LIMCH1: variants seen among roughly 807,000 people sequenced by gnomAD.
The protein encoded by LIMCH1 is LIM and calponin homology domains-containing protein 1.
A neutral mutation model predicts 176.5 loss-of-function variants in LIMCH1; 113 were observed. The observed-to-expected ratio is 0.64, with a 90% CI of 0.55 to 0.75. LIMCH1 has a LOEUF of 0.75. Ranked by LOEUF, LIMCH1 falls within the 30% of genes least tolerant of loss-of-function variation. The pLI is 0.00. For missense variants in LIMCH1, 1,674 were observed against 1,814.9 expected, an observed-to-expected ratio of 0.92 and a Z score of 1.41; for synonymous variants, 619 against 645.9, an observed-to-expected ratio of 0.96 and a Z score of 0.63.
At chr4:41,441,493 A>G (rs1347436476) in intron 1 of LIMCH1, among the ~76,000 whole-genome samples, 1 of 151,934 alleles carries the variant, frequency 6.6e-6, no homozygotes, top group Admixed American at 6.6e-5. Context: ...TGGTTTTAAT[A>G]TGAGGAAAAA....
upstream of LIMCH1, among the ~76,000 whole-genome samples, chr4:41,534,425 T>G (rs2077656036): frequency 6.6e-6 from 1 of 152,178 alleles, no homozygotes; most frequent in Admixed American, 6.5e-5. Flanking sequence ...GAAGATGACA[T>G]TTGCATTTTG....
intron 1 of LIMCH1, among the ~76,000 whole-genome samples, chr4:41,567,806 G>A (rs551928689): frequency 6.6e-6 from 1 of 152,172 alleles, no homozygotes; most frequent in Non-Finnish European, 1.5e-5. Flanking sequence ...TTGTGCTTAA[G>A]TGGCATCAGA....
At chr4:41,550,944 A>T (rs2152513539) in intron 1 of LIMCH1, among the ~76,000 whole-genome samples, 1 of 152,320 alleles carries the variant, frequency 6.6e-6, no homozygotes, top group African/African-American at 2.4e-5. Context: ...CAAAAAGGAA[A>T]ATATGATTAA....
At chr4:41,639,638 T>A (rs548508655) in intron 14 of LIMCH1, among the ~76,000 whole-genome samples, 1 of 152,316 alleles carries the variant, frequency 6.6e-6, no homozygotes, top group East Asian at 1.9e-4. Flanking sequence ...ACCCTCCCAT[T>A]TGTGACCACA....
chr4:41,477,962 G>A lies in LIMCH1; in HGVS notation c.97-16574G>A, dbSNP rs1469605017. ...TTGAGGAATATTAGTAGATGAAGAT[G>A]TATTTCTGTAATATTTGAACTAAAC... is the stretch of plus-strand genomic sequence containing the variant. On this transcript the variant is annotated intron_variant, in intron 1 of 26. Transcript: ENST00000313860. 2.0e-5 allele frequency among the ~76,000 whole-genome samples: 3 copies of A among 152,272 alleles called. No individual in the cohort carries two copies. In the East Asian group the frequency reaches 5.8e-4, roughly 29 times the overall value.
At chr4:41,622,239 TACCAGAG>T (rs1436735201) in intron 7 of LIMCH1, among the ~76,000 whole-genome samples, 1 of 152,202 alleles carries the variant, frequency 6.6e-6, no homozygotes, top group African/African-American at 2.4e-5. Context: ...ATACACCATG[TACCAGAG>T]ACTGGACTAG....
chr4:41,479,550 C>T (rs1317195507), intron 1 of LIMCH1, among the ~76,000 whole-genome samples: 2 of 152,212 alleles, frequency 1.3e-5, no homozygotes, highest in Admixed American at 6.5e-5. Flanking sequence ...CCGCGCCCAG[C>T]ATCACTCTTA....
At chr4:41,478,332 C>T (rs191686576) in intron 1 of LIMCH1, among the ~76,000 whole-genome samples, 35 of 152,272 alleles carry the variant, frequency 2.3e-4, no homozygotes, top group African/African-American at 7.7e-4. Flanking sequence ...TCTCATTTTC[C>T]GTTGATCACT....
chr4:41,517,668 C>T (rs1279658375), intron 2 of LIMCH1, among the ~76,000 whole-genome samples: 1 of 152,028 alleles, frequency 6.6e-6, no homozygotes, highest in Non-Finnish European at 1.5e-5. Flanking sequence ...ATATTTTAGT[C>T]GATTTTTCTT....
rs1031958379 is a variant in LIMCH1 at position 41,699,879 on chromosome 4, A to C, written c.*2694A>C. 6.6e-6 allele frequency: 1 copy of C among 152,232 alleles called. No homozygotes were observed. Among genetic ancestry groups the C allele is most frequent in the African/African-American group, 2.4e-5 (1 of 41,462 alleles). The allele number at this position is 152,232 out of a possible 1,614,324, so 9.4% of individuals were successfully genotyped here. On this transcript the variant is annotated 3_prime_UTR_variant, in exon 32 of 32. Coordinates refer to ENST00000503057, the MANE Select transcript of LIMCH1 (RefSeq NM_001330672.2). The stretch of plus-strand genomic sequence containing the variant: ...TATGTGAGTCCGTCCAAAAGATGTT[A>C]CTGCTCTGGGTGGGCCAGTGTTCTA...
rs558267955 is a variant in LIMCH1 at position 41,678,081 on chromosome 4, C to T, written c.3519+1619C>T. Among the ~76,000 whole-genome samples, 680 of 152,174 alleles carry T rather than the reference C, an allele frequency of 4.5e-3. 6 individuals are homozygous for T. The highest frequency in any genetic ancestry group is 0.014 in the African/African-American group (601 of 41,502). ...GGTATTTCTCCTAATGCTATCCCTC[C>T]GCTAGCCCCCCAACCCCTGACAGGC... On this transcript the variant is annotated intron_variant, in intron 23 of 31. Coordinates refer to ENST00000503057, the MANE Select transcript of LIMCH1 (RefSeq NM_001330672.2).
At chr4:41,472,321 C>G (rs1360970208) in intron 1 of LIMCH1, among the ~76,000 whole-genome samples, 1 of 147,992 alleles carries the variant, frequency 6.8e-6, no homozygotes, top group African/African-American at 2.5e-5. Flanking sequence ...CAGTTCCTTC[C>G]CTCCCTCCCT....
At chr4:41,521,003 T>G (rs551120572) in intron 2 of LIMCH1, among the ~76,000 whole-genome samples, 18 of 152,324 alleles carry the variant, frequency 1.2e-4, no homozygotes, top group African/African-American at 4.3e-4. Flanking sequence ...TGGATGAGGT[T>G]GCAGATCATC....
At chr4:41,594,062 T>C (rs982466017) in intron 1 of LIMCH1, among the ~76,000 whole-genome samples, 3 of 152,208 alleles carry the variant, frequency 2.0e-5, no homozygotes, top group Admixed American at 2.0e-4. Context: ...TGCTTAAAAA[T>C]AAAGGCAGTC....
intron 13 of LIMCH1, among the ~76,000 whole-genome samples, chr4:41,635,414 G>C (rs1347417173): frequency 6.6e-6 from 1 of 152,112 alleles, no homozygotes; most frequent in Non-Finnish European, 1.5e-5. Flanking sequence ...TTTTAGTAGA[G>C]ACGGGGTTTC....
intron 31 of LIMCH1, among the ~76,000 whole-genome samples, chr4:41,696,017 G>A (rs1730400269): frequency 6.6e-6 from 1 of 152,052 alleles, no homozygotes; most frequent in African/African-American, 2.4e-5. Flanking sequence ...TTACGTCATA[G>A]GCATTCTAAG....
chr4:41,688,499 T>C (rs1242177636), intron 29 of LIMCH1, among the ~76,000 whole-genome samples: 1 of 152,230 alleles, frequency 6.6e-6, no homozygotes, highest in African/African-American at 2.4e-5. Flanking sequence ...TCCTAATAAA[T>C]AGCATTTGAT....
chr4:41,387,215 C>T (rs1025959680), intron 1 of LIMCH1, among the ~76,000 whole-genome samples: 20 of 152,180 alleles, frequency 1.3e-4, no homozygotes, highest in African/African-American at 3.9e-4. Context: ...AGATAACATA[C>T]ATGAGAACAT....
chr4:41,696,483 G>A (rs1730731331), intron 31 of LIMCH1, among the ~76,000 whole-genome samples: 1 of 152,152 alleles, frequency 6.6e-6, no homozygotes, highest in African/African-American at 2.4e-5. Flanking sequence ...AGGTTTACCA[G>A]ATAAAATATA....
Sources: gnomAD v4.1 joint callset for allele counts (sites outside exome capture counted in the v4.1 genomes callset) on GRCh38, gnomAD v4.1.1 for gene constraint, MANE v1.5 for transcripts, NCBI Gene and HGNC (gene_info 2026-07-23, HGNC 2026-07-21) for gene names.